The following MARVELD3 variants were observed in gnomAD, a reference collection of about 807,000 sequenced individuals.
MARVELD3 encodes the protein MARVEL domain containing 3.
MARVELD3 carries 28 observed loss-of-function variants against 33.5 expected under a neutral mutation model. The observed-to-expected ratio is 0.84, with a 90% CI of 0.62 to 1.15. The LOEUF (loss-of-function observed/expected upper bound fraction) is 1.15. Ranked by LOEUF, MARVELD3 falls within the 50% of genes most tolerant of loss-of-function variation. The pLI is 0.00. For synonymous variants in MARVELD3, 241 were observed against 230.4 expected (o/e 1.05, Z -0.42); for missense variants, 582 against 547.6 (o/e 1.06, Z -0.63).
In MARVELD3 at chr16:71,626,738, C is replaced by G; in HGVS notation, c.467+42C>G. On this transcript the variant is annotated intron_variant, in intron 1 of 2. Transcript: ENST00000268485. The surrounding 1 kb of genome is among the most constrained non-coding windows in gnomAD (Gnocchi z 5.3). ...CGCTGCGACCTCCGCGCCGGGGACA[C>G]CTGTGGCCCAGGCCGGCCCGCGAGG... is the stretch of plus-strand genomic sequence containing the variant. 1 of 1,403,242 alleles carries G rather than the reference C, an allele frequency of 7.1e-7. No individual in the cohort carries two copies. The highest frequency in any genetic ancestry group is 9.2e-7 in the Non-Finnish European group (1 of 1,083,610). The allele number at this position is 1,403,242 out of a possible 1,614,324, so 86.9% of individuals were successfully genotyped here. A position where few individuals can be genotyped will look rare whatever the true frequency, so the allele number is the denominator to read the frequency against.
In MARVELD3 at chr16:71,634,876, C is replaced by T. The variant is rs568341887; in HGVS notation, c.*73C>T. 2.6e-6 allele frequency: 4 copies of T among 1,518,334 alleles called. No homozygotes were observed. The highest frequency in any genetic ancestry group is 2.8e-5 in the African/African-American group (2 of 71,806). The allele number at this position is 1,518,334 out of a possible 1,614,324, so 94.1% of individuals were successfully genotyped here. On this transcript the variant is annotated 3_prime_UTR_variant, in exon 3 of 3. Coordinates refer to ENST00000268485, the MANE Select transcript of MARVELD3 (RefSeq NM_052858.6). ...CTGAGCCACTGCCTTTCCCAAGAATCCCTTGTTGTGGAAGTTTCCAGTGCT... is the reference window on the plus strand; with the variant it reads ...CTGAGCCACTGCCTTTCCCAAGAATTCCTTGTTGTGGAAGTTTCCAGTGCT...
downstream of MARVELD3, chr16:71,638,643 G>C (rs1057007447): frequency 6.6e-6 from 1 of 152,138 alleles, no homozygotes; most frequent in Non-Finnish European, 1.5e-5. Flanking sequence ...ATATAGATTT[G>C]CAAGAAGTCA....
chr16:71,635,228 C>G lies in MARVELD3; in HGVS notation c.*425C>G. On this transcript the variant is annotated 3_prime_UTR_variant, in exon 3 of 3. Coordinates refer to ENST00000268485, the MANE Select transcript of MARVELD3 (RefSeq NM_052858.6). ...CCTGTAATCCCAGCTACTTGGGAGG[C>G]TGAGGCAGGAGAATCGCTTGAATCT... 2 of 818,660 alleles carry G rather than the reference C, an allele frequency of 2.4e-6. No homozygotes were observed. The highest frequency in any genetic ancestry group is 3.0e-6 in the Non-Finnish European group (2 of 677,554). The allele number at this position is 818,660 out of a possible 1,614,324, so 50.7% of individuals were successfully genotyped here.
At chr16:71,641,162 A>T, downstream of MARVELD3, 1 of 1,157,046 alleles carries the variant, frequency 8.6e-7, no homozygotes, top group South Asian at 1.6e-5. Flanking sequence ...GGCAAAGTTA[A>T]AGAATTGAGG....
At chr16:71,637,338 G>A (rs1332257618), downstream of MARVELD3, among the ~76,000 whole-genome samples, 1 of 152,018 alleles carries the variant, frequency 6.6e-6, no homozygotes, top group African/African-American at 2.4e-5. Flanking sequence ...TAGTATTTCT[G>A]TTTTCCTTCA....
Position 71,634,931 on chromosome 16 carries a change from T to A in MARVELD3, c.*128T>A. On this transcript the variant is annotated 3_prime_UTR_variant, in exon 3 of 3. Transcript: ENST00000268485. ...AAGCAGCGAGCCAGCGTTGGTGTGG[T>A]GGGCGGAGCTCCCAGTCGCATGGAG... 6.9e-7 allele frequency: 1 copy of A among 1,457,750 alleles called. No homozygotes were observed. The highest frequency in any genetic ancestry group is 9.0e-7 in the Non-Finnish European group (1 of 1,108,674). The allele number at this position is 1,457,750 out of a possible 1,614,324, so 90.3% of individuals were successfully genotyped here. A position where few individuals can be genotyped will look rare whatever the true frequency, so the allele number is the denominator to read the frequency against.
At chr16:71,637,049 G>C (rs565956113), downstream of MARVELD3, among the ~76,000 whole-genome samples, 2 of 152,180 alleles carry the variant, frequency 1.3e-5, no homozygotes, top group South Asian at 2.1e-4. Flanking sequence ...CCTGCCCCAT[G>C]TGTCTTTCTG....
intron 2 of MARVELD3, among the ~76,000 whole-genome samples, chr16:71,631,664 T>C (rs977685124): frequency 6.6e-6 from 1 of 152,112 alleles, no homozygotes; most frequent in African/African-American, 2.4e-5. Context: ...GCCAGGCCGG[T>C]CTTGAACTCC....
At chr16:71,638,483 T>G (rs2044595858), downstream of MARVELD3, 1 of 152,606 alleles carries the variant, frequency 6.6e-6, no homozygotes, top group African/African-American at 2.4e-5. Context: ...AATGCAGATT[T>G]AAATGTGCTT....
chr16:71,640,834 C>G, downstream of MARVELD3: 1 of 1,614,234 alleles, frequency 6.2e-7, no homozygotes, highest in Non-Finnish European at 8.5e-7. Flanking sequence ...AAGGGTCTCA[C>G]CTGGATGGAC....
chr16:71,641,072 A>C, downstream of MARVELD3: 2 of 1,556,730 alleles, frequency 1.3e-6, no homozygotes, highest in Non-Finnish European at 1.7e-6. Context: ...TTCTCTCAAA[A>C]AGACAGGTCT....
In MARVELD3 at chr16:71,634,311, T is replaced by G. The variant is rs1309020427; in HGVS notation, c.714T>G (p.Tyr238Ter). Residue 238 changes from tyrosine (Y) to a stop codon, truncating the protein, a stop_gained, in exon 3 of 3, where the codon TAT becomes TAG. Coordinates refer to ENST00000268485, the MANE Select transcript of MARVELD3 (RefSeq NM_052858.6). LOFTEE classifies it high-confidence loss of function. ...GITSLGGIYY[Y>*]QFGGAYSGFD... The stretch of plus-strand genomic sequence containing the variant: ...CCAGCTTGGGGGGCATTTACTACTA[T>G]CAGTTCGGAGGGGCTTACAGTGGCT... The G allele has an allele frequency of 1.2e-6, 2 of 1,614,110 alleles. No homozygotes were observed. The highest frequency in any genetic ancestry group is 1.7e-6 in the Non-Finnish European group (2 of 1,180,026).
At position 71,634,723 on chromosome 16, in the gene MARVELD3, C is replaced by G. The variant is rs1292637466; in HGVS notation, c.1126C>G (p.Leu376Val). Residue 376 changes from leucine to valine, a missense_variant, in exon 3 of 3, where the codon CTG (leucine) becomes GTG (valine). Transcript: ENST00000268485. The stretch of plus-strand genomic sequence containing the variant: ...TGCCCTGGGCATTGTGGTCTTTGCC[C>G]TGGGGGCTGTCCTGGCCATAAAGGG... ...FAALGIVVFA[L>V]GAVLAIKGYR... is the part of the protein sequence containing the mutation. 1.2e-6 allele frequency: 2 copies of G among 1,614,186 alleles called. No homozygotes were observed. Among genetic ancestry groups the G allele is most frequent in the Non-Finnish European group, 1.7e-6 (2 of 1,180,038 alleles).
Position 71,634,397 on chromosome 16 carries a change from T to G in MARVELD3, c.800T>G (p.Leu267Arg), listed in dbSNP as rs2044562139. 1 of 1,614,230 alleles carries G rather than the reference T, an allele frequency of 6.2e-7. No individual in the cohort carries two copies. Among genetic ancestry groups the G allele is most frequent in the Non-Finnish European group, 8.5e-7 (1 of 1,180,036 alleles). ...GATGTCCAGTTCTACCAGCTAAAGCTGCCCATGGTCACTGTGGCAATGGCC... is the reference window on the plus strand; with the variant it reads ...GATGTCCAGTTCTACCAGCTAAAGCGGCCCATGGTCACTGTGGCAATGGCC... ...QLDVQFYQLK[L>R]PMVTVAMACS... The change falls in exon 3 of 3, where the codon CTG becomes CGG. Residue 267 changes from leucine (L) to arginine (R), a missense_variant. Coordinates refer to ENST00000268485, the MANE Select transcript of MARVELD3 (RefSeq NM_052858.6).
intron 2 of MARVELD3, among the ~76,000 whole-genome samples, chr16:71,633,026 G>C (rs901211416): frequency 1.3e-5 from 2 of 151,926 alleles, no homozygotes; most frequent in East Asian, 3.9e-4. Context: ...CAAACTTGGA[G>C]AACTCTCCCC....
chr16:71,630,092 A>C (rs998421110), intron 2 of MARVELD3, among the ~76,000 whole-genome samples: 1 of 151,618 alleles, frequency 6.6e-6, no homozygotes, highest in Non-Finnish European at 1.5e-5. Flanking sequence ...AAAAAAAAAA[A>C]AAAAAGGGAA....
chr16:71,626,457 G>A lies in MARVELD3; in HGVS notation c.228G>A (p.Glu76=), dbSNP rs376026417. The A allele has an allele frequency of 3.2e-6, 5 of 1,549,356 alleles. No individual in the cohort carries two copies. Among genetic ancestry groups the A allele is most frequent in the Non-Finnish European group, 4.4e-6 (5 of 1,146,772 alleles). The change falls in exon 1 of 3, where the codon GAG becomes GAA. Residue 76 remains glutamate (E), a synonymous_variant. Coordinates refer to ENST00000268485, the MANE Select transcript of MARVELD3 (RefSeq NM_052858.6). The surrounding 1 kb of genome is among the most constrained non-coding windows in gnomAD (Gnocchi z 5.3). ...ACCGCGACCGGAACCGGGACCGGGAGAGGGAGAGAGAGAGGGAAAGAGACC... is the reference window on the plus strand; with the variant it reads ...ACCGCGACCGGAACCGGGACCGGGAAAGGGAGAGAGAGAGGGAAAGAGACC... The part of the protein sequence containing the change: ...DGNRDRNRDR[E]RERERERDPD...
chr16:71,630,741 A>C (rs2044525387), intron 2 of MARVELD3, among the ~76,000 whole-genome samples: 1 of 152,194 alleles, frequency 6.6e-6, no homozygotes, highest in South Asian at 2.1e-4. Context: ...TCACACACAC[A>C]CAGAAACAAA....
chr16:71,633,226 G>C (rs1048112454), intron 2 of MARVELD3, among the ~76,000 whole-genome samples: 4 of 151,826 alleles, frequency 2.6e-5, no homozygotes, highest in Non-Finnish European at 5.9e-5. Flanking sequence ...GCCAGGCCCA[G>C]GTTCATGCAT....
Sources: allele counts gnomAD v4.1 joint callset (sites outside exome capture counted in the v4.1 genomes callset), GRCh38; gene constraint gnomAD v4.1.1; non-coding constraint Gnocchi (gnomAD v3.1); transcripts MANE v1.5; gene names NCBI Gene and HGNC (gene_info 2026-07-23, HGNC 2026-07-21).